PRKG1: variants seen among roughly 807,000 people sequenced by gnomAD.
PRKG1 encodes the protein protein kinase cGMP-dependent 1.
Under a neutral mutation model 88.1 loss-of-function variants are expected in PRKG1, and 35 were observed. The observed-to-expected ratio is 0.40, with a 90% CI of 0.30 to 0.53. PRKG1 has a LOEUF of 0.53. PRKG1 is among the 20% of genes least tolerant of loss of function. The probability of loss-of-function intolerance (pLI) is 0.59; values close to 1 mark genes in which losing one functional copy is unlikely to be tolerated. For missense variants in PRKG1, 540 were observed against 839.8 expected, an observed-to-expected ratio of 0.64 and a Z score of 4.41; for synonymous variants, 303 against 292.5, an observed-to-expected ratio of 1.04 and a Z score of -0.37.
At chr10:51,611,496 G>A (rs1355415938) in intron 3 of PRKG1, among the ~76,000 whole-genome samples, 10 of 145,288 alleles carry the variant, frequency 6.9e-5, no homozygotes, top group South Asian at 4.4e-4. Flanking sequence ...AAAAAAAAAC[G>A]TTAAATTGTT....
At chr10:51,381,688 T>C (rs1199624672) in intron 2 of PRKG1, among the ~76,000 whole-genome samples, 1 of 152,172 alleles carries the variant, frequency 6.6e-6, no homozygotes, top group Non-Finnish European at 1.5e-5. Context: ...AACAGAAACC[T>C]GAAAAAAGAA....
chr10:51,017,618 C>T (rs1339396009), intron 1 of PRKG1, among the ~76,000 whole-genome samples: 2 of 152,082 alleles, frequency 1.3e-5, no homozygotes, highest in African/African-American at 4.8e-5. Context: ...ACTGATATGA[C>T]CCAGTTATAA....
chr10:51,164,066 G>C (rs1312374007), intron 2 of PRKG1, among the ~76,000 whole-genome samples: 1 of 152,188 alleles, frequency 6.6e-6, no homozygotes, highest in African/African-American at 2.4e-5. Context: ...CATGCAGCTG[G>C]AGATCTGAGA....
intron 2 of PRKG1, among the ~76,000 whole-genome samples, chr10:51,188,122 A>T: frequency 6.6e-6 from 1 of 152,014 alleles, no homozygotes; most frequent in East Asian, 1.9e-4. Context: ...ATTTTGTGGC[A>T]CTATACGATG....
intron 2 of PRKG1, among the ~76,000 whole-genome samples, chr10:51,157,595 A>G: frequency 6.6e-6 from 1 of 151,782 alleles, no homozygotes; most frequent in East Asian, 1.9e-4. Flanking sequence ...TTTGGGGTGA[A>G]TTTTACCTAA....
chr10:51,107,810 CA>C (rs150587434), intron 1 of PRKG1, among the ~76,000 whole-genome samples: 301 of 63,290 alleles, frequency 4.8e-3, no homozygotes, highest in East Asian at 0.022. Context: ...AACCCTGTCT[CA>C]AAAAAAAAAA....
chr10:51,810,267 A>G (rs192460301), intron 4 of PRKG1, among the ~76,000 whole-genome samples: 145 of 152,304 alleles, frequency 9.5e-4, no homozygotes, highest in African/African-American at 3.2e-3. Flanking sequence ...CTGTTAAAGA[A>G]CTTGAAGATG....
intron 5 of PRKG1, among the ~76,000 whole-genome samples, chr10:51,987,954 A>G (rs576402308): frequency 6.6e-6 from 1 of 152,208 alleles, no homozygotes; most frequent in South Asian, 2.1e-4. Context: ...CTCAAATTTA[A>G]CTGTTGTTAA....
intron 1 of PRKG1, among the ~76,000 whole-genome samples, chr10:51,088,424 CA>C (rs1844310137): frequency 6.8e-6 from 1 of 147,958 alleles, no homozygotes; most frequent in African/African-American, 2.5e-5. Context: ...AATCATTTAC[CA>C]AATATTTGTT....
At chr10:51,862,149 G>A (rs1840892467) in intron 4 of PRKG1, among the ~76,000 whole-genome samples, 1 of 152,156 alleles carries the variant, frequency 6.6e-6, no homozygotes, top group Admixed American at 6.5e-5. Context: ...CAAACAATGG[G>A]GGAGAGGGGC....
At chr10:51,135,979 A>T (rs1193345759) in intron 1 of PRKG1, among the ~76,000 whole-genome samples, 1 of 14,366 alleles carries the variant, frequency 7.0e-5, no homozygotes, top group East Asian at 2.5e-3. Context: ...GGAAGGGGGG[A>T]GGGGGGAGGG....
rs1018924414 is a variant in PRKG1, at chr10:52,298,215, C to T, written c.*4315C>T. ...ATCAAATGGTCATTGACCACTTGCA[C>T]TCTTTTGATGTAGATTAAAAACTTT... On this transcript the variant is annotated 3_prime_UTR_variant, in exon 18 of 18. Transcript: ENST00000373980. 8 of 151,918 alleles carry T rather than the reference C, an allele frequency of 5.3e-5. No individual in the cohort carries two copies. The highest frequency in any genetic ancestry group is 1.7e-4 in the African/African-American group (7 of 41,346). The allele number at this position is 151,918 out of a possible 1,614,324, so 9.4% of individuals were successfully genotyped here.
At chr10:51,232,953 A>G (rs1488414225) in intron 2 of PRKG1, among the ~76,000 whole-genome samples, 1 of 152,218 alleles carries the variant, frequency 6.6e-6, no homozygotes, top group African/African-American at 2.4e-5. Flanking sequence ...AAAGCAGATT[A>G]TTTCTCTCAA....
intron 1 of PRKG1, among the ~76,000 whole-genome samples, chr10:51,089,172 A>T (rs1208792716): frequency 6.6e-6 from 1 of 152,182 alleles, no homozygotes; most frequent in Non-Finnish European, 1.5e-5. Flanking sequence ...CTTTCCAAGG[A>T]AGCACAGTTG....
chr10:51,204,917 T>C (rs117513899), intron 2 of PRKG1, among the ~76,000 whole-genome samples: 1 of 152,142 alleles, frequency 6.6e-6, no homozygotes, highest in East Asian at 1.9e-4. Flanking sequence ...ACTGTATGAC[T>C]CAATGTTGTA....
chr10:51,181,804 G>T (rs529530218), intron 2 of PRKG1, among the ~76,000 whole-genome samples: 1 of 152,182 alleles, frequency 6.6e-6, no homozygotes, highest in Non-Finnish European at 1.5e-5. Context: ...AGGAGAATTC[G>T]ACACAGGTCT....
At chr10:51,342,095 G>A (rs1390755313) in intron 2 of PRKG1, among the ~76,000 whole-genome samples, 1 of 152,182 alleles carries the variant, frequency 6.6e-6, no homozygotes, top group Non-Finnish European at 1.5e-5. Flanking sequence ...CAGAGCTGAA[G>A]ATGACACGTA....
At chr10:51,239,767 T>C (rs1839101591) in intron 2 of PRKG1, among the ~76,000 whole-genome samples, 1 of 152,184 alleles carries the variant, frequency 6.6e-6, no homozygotes, top group African/African-American at 2.4e-5. Flanking sequence ...CAGATCGACC[T>C]GGGTTGGAAT....
intron 2 of PRKG1, among the ~76,000 whole-genome samples, chr10:51,155,177 C>T (rs189414491): frequency 1.9e-4 from 29 of 152,100 alleles, no homozygotes; most frequent in African/African-American, 7.0e-4. Flanking sequence ...GTTCCTTCAT[C>T]TTAAATATTT....
Sources: gnomAD v4.1 joint callset for allele counts (sites outside exome capture counted in the v4.1 genomes callset) on GRCh38, gnomAD v4.1.1 for gene constraint, MANE v1.5 for transcripts, NCBI Gene and HGNC (gene_info 2026-07-23, HGNC 2026-07-21) for gene names.